PDE10A: variants seen among roughly 807,000 people sequenced by gnomAD.
PDE10A encodes phosphodiesterase 10A.
PDE10A carries 39 observed loss-of-function variants against 97.7 expected under a neutral mutation model. The observed-to-expected ratio is 0.40, with a 90% confidence interval of 0.31 to 0.52. PDE10A has a LOEUF of 0.52. Ranked by LOEUF, PDE10A falls within the 20% of genes least tolerant of loss-of-function variation. The pLI, the probability that PDE10A is intolerant of heterozygous loss-of-function variation, is 0.56. For synonymous variants in PDE10A, 371 were observed against 376.8 expected (o/e 0.98, Z 0.18); for missense variants, 731 against 1,047.8 (o/e 0.70, Z 4.17).
intron 3 of PDE10A, among the ~76,000 whole-genome samples, chr6:165,471,709 G>T (rs933780828): frequency 6.6e-6 from 1 of 151,868 alleles, no homozygotes; most frequent in African/African-American, 2.4e-5. Context: ...ATTCTTGTTA[G>T]CCCTCCTTTC....
chr6:165,633,940 T>C (rs1414252231), intron 1 of PDE10A, among the ~76,000 whole-genome samples: 1 of 152,208 alleles, frequency 6.6e-6, no homozygotes, highest in Non-Finnish European at 1.5e-5. Context: ...TCCTTATAAA[T>C]TCAAATGTAA....
chr6:165,549,441 C>T (rs994875949), intron 1 of PDE10A, among the ~76,000 whole-genome samples: 5 of 152,136 alleles, frequency 3.3e-5, no homozygotes, highest in Non-Finnish European at 7.4e-5. Context: ...TCTCCTGCCT[C>T]AGCCTCCCGA....
intron 2 of PDE10A, among the ~76,000 whole-genome samples, chr6:165,540,924 C>A (rs897279668): frequency 6.6e-6 from 1 of 151,976 alleles, no homozygotes; most frequent in Non-Finnish European, 1.5e-5. Context: ...GTCACCACGC[C>A]CAGAGAACAG....
In PDE10A at chr6:165,676,024, G is replaced by A. The variant is rs187413662; in HGVS notation, c.-614-132456C>T. Among the ~76,000 whole-genome samples, 34 of 152,276 alleles carry A rather than the reference G, an allele frequency of 2.2e-4. 1 individual carries two copies. The highest frequency in any genetic ancestry group is 1.5e-3 in the East Asian group (8 of 5,182). On this transcript the variant is annotated intron_variant, in intron 1 of 19. Transcript: ENST00000366882. The stretch of plus-strand genomic sequence containing the variant: ...CTAATGATTGGATAAGGAAAGTGTC[G>A]TATACATGGAAGACTCCTTAGCCAT...
intron 1 of PDE10A, among the ~76,000 whole-genome samples, chr6:165,569,272 A>G (rs1583559664): frequency 6.6e-6 from 1 of 152,286 alleles, no homozygotes; most frequent in East Asian, 1.9e-4. Flanking sequence ...TTACTCAAGG[A>G]CATAATCTAA....
chr6:165,521,760 C>T (rs775756506), intron 2 of PDE10A, among the ~76,000 whole-genome samples: 3 of 152,256 alleles, frequency 2.0e-5, no homozygotes, highest in Admixed American at 6.5e-5. Flanking sequence ...TAAGGAAAGA[C>T]GCCATCTCCA....
intron 1 of PDE10A, among the ~76,000 whole-genome samples, chr6:165,901,282 G>A (rs756003852): frequency 1.3e-5 from 2 of 152,030 alleles, no homozygotes; most frequent in South Asian, 2.1e-4. Flanking sequence ...GCAAAAAGGG[G>A]CACTTCTCCT....
chr6:165,478,937 T>A (rs999435200), intron 3 of PDE10A, among the ~76,000 whole-genome samples: 1 of 152,190 alleles, frequency 6.6e-6, no homozygotes, highest in African/African-American at 2.4e-5. Context: ...CTGGCCCCCA[T>A]GCTTCCAGCT....
intron 17 of PDE10A, 51 bp from the exon 18 acceptor site, chr6:165,379,417 T>C (rs772185875): frequency 1.4e-6 from 2 of 1,399,264 alleles, no homozygotes; most frequent in Non-Finnish European, 9.9e-7. Context: ...CAAGCTCTAA[T>C]CTTATGACAT....
intron 1 of PDE10A, among the ~76,000 whole-genome samples, chr6:165,925,969 T>A (rs1415689702): frequency 6.6e-6 from 1 of 152,188 alleles, no homozygotes; most frequent in Admixed American, 6.5e-5. Context: ...ATGCTGCCAT[T>A]GGGGGGAACT....
chr6:165,897,179 G>A (rs1781975345), intron 1 of PDE10A, among the ~76,000 whole-genome samples: 1 of 152,216 alleles, frequency 6.6e-6, no homozygotes, highest in South Asian at 2.1e-4. Context: ...GAGAAAAGGT[G>A]AACCTGCAGT....
intron 1 of PDE10A, among the ~76,000 whole-genome samples, chr6:165,606,390 G>A (rs1262784697): frequency 6.6e-6 from 1 of 152,100 alleles, no homozygotes; most frequent in African/African-American, 2.4e-5. Flanking sequence ...AAAGTTCTGA[G>A]GAGTCTCCTT....
chr6:165,875,731 GTTTT>G (rs748111095), intron 1 of PDE10A, among the ~76,000 whole-genome samples: 1 of 46,946 alleles, frequency 2.1e-5, no homozygotes, highest in African/African-American at 7.8e-5. Flanking sequence ...TTCTTTTACT[GTTTT>G]TTTTTTTTTT....
intron 1 of PDE10A, among the ~76,000 whole-genome samples, chr6:165,814,835 T>C (rs1779368043): frequency 1.3e-5 from 2 of 152,058 alleles, no homozygotes; most frequent in African/African-American, 4.8e-5. Flanking sequence ...CTGCGGCGTA[T>C]GTCCAGGCGA....
chr6:165,445,093 T>C (rs1790747416), intron 5 of PDE10A, among the ~76,000 whole-genome samples: 1 of 152,200 alleles, frequency 6.6e-6, no homozygotes, highest in African/African-American at 2.4e-5. Context: ...GTCTTTCATG[T>C]GCAAAAGGCG....
intron 3 of PDE10A, among the ~76,000 whole-genome samples, chr6:165,456,245 G>T (rs1442985000): frequency 6.6e-6 from 1 of 152,180 alleles, no homozygotes; most frequent in East Asian, 1.9e-4. Context: ...AATAGTGAGA[G>T]ACCTAAGTCT....
intron 2 of PDE10A, among the ~76,000 whole-genome samples, chr6:165,516,489 A>C (rs1781815600): frequency 6.6e-6 from 1 of 152,146 alleles, no homozygotes; most frequent in Admixed American, 6.6e-5. Flanking sequence ...ACATCATAGA[A>C]CTTTCTACTA....
intron 2 of PDE10A, among the ~76,000 whole-genome samples, chr6:165,527,809 C>CCCAGTCTG (rs1782538643): frequency 1.3e-5 from 2 of 152,162 alleles, no homozygotes. Context: ...CCTTCTCTTC[C>CCCAGTCTG]TCAGTCTGTC....
intron 18 of PDE10A, among the ~76,000 whole-genome samples, chr6:165,356,606 G>C (rs1240232850): frequency 6.6e-6 from 1 of 151,922 alleles, no homozygotes; most frequent in East Asian, 1.9e-4. Flanking sequence ...CTACCCTAAG[G>C]TCATGAAGAT....
Sources: allele counts gnomAD v4.1 joint callset (sites outside exome capture counted in the v4.1 genomes callset), GRCh38; gene constraint gnomAD v4.1.1; transcripts MANE v1.5; gene names NCBI Gene and HGNC (gene_info 2026-07-23, HGNC 2026-07-21).